The following TDRD10 variants were observed in gnomAD, a reference collection of about 807,000 sequenced individuals.
TDRD10 encodes tudor domain containing 10.
Under a neutral mutation model 48.0 loss-of-function variants are expected in TDRD10, and 40 were observed. The ratio of observed to expected loss-of-function variants is 0.83; its 90% CI spans 0.65 to 1.09. TDRD10 has a LOEUF of 1.09. Among genes scored for constraint, TDRD10 ranks in the 50% least tolerant of loss-of-function variants. The pLI is 0.00. For synonymous variants in TDRD10, 162 were observed against 170.4 expected (o/e 0.95, Z 0.38); for missense variants, 378 against 434.7 (o/e 0.87, Z 1.16).
intron 11 of TDRD10, among the ~76,000 whole-genome samples, chr1:154,547,030 C>T (rs990635093): frequency 2.0e-5 from 3 of 152,020 alleles, no homozygotes; most frequent in African/African-American, 7.3e-5. Context: ...AGAGTGCTTG[C>T]GTCTCATGGT....
intron 4 of TDRD10, among the ~76,000 whole-genome samples, chr1:154,511,060 T>A (rs899399726): frequency 1.3e-5 from 2 of 151,708 alleles, no homozygotes; most frequent in African/African-American, 4.8e-5. Flanking sequence ...AAAAAAAAAT[T>A]TAAAATATAT....
At chr1:154,513,652 A>G (rs1211880891) in intron 4 of TDRD10, among the ~76,000 whole-genome samples, 1 of 152,196 alleles carries the variant, frequency 6.6e-6, no homozygotes, top group Non-Finnish European at 1.5e-5. Context: ...TGCAAGATAA[A>G]GGCGACCACA....
chr1:154,526,264 A>T (rs1694313169), intron 6 of TDRD10, among the ~76,000 whole-genome samples: 1 of 147,968 alleles, frequency 6.8e-6, no homozygotes, highest in Non-Finnish European at 1.5e-5. Flanking sequence ...AGCCAGGCCT[A>T]CAGGCACTTT....
intron 4 of TDRD10, among the ~76,000 whole-genome samples, chr1:154,509,038 G>A (rs11799410): frequency 0.069 from 10,273 of 148,590 alleles, 1,198 homozygotes; most frequent in African/African-American, 0.24. Context: ...AAGTGTATTC[G>A]AAATACAGAT....
At chr1:154,531,696 C>T (rs60498985) in intron 6 of TDRD10, among the ~76,000 whole-genome samples, 29,614 of 152,096 alleles carry the variant, frequency 0.19, 3,110 homozygotes, top group South Asian at 0.23. Flanking sequence ...TTCCACAGTG[C>T]GTAAGGGGAC....
At chr1:154,521,033 C>G (rs562925894) in intron 5 of TDRD10, among the ~76,000 whole-genome samples, 1 of 152,332 alleles carries the variant, frequency 6.6e-6, no homozygotes, top group East Asian at 1.9e-4. Context: ...GCCACCACAC[C>G]TGGCTTGCTT....
rs1242728327 is a variant in TDRD10 at position 154,525,827 on chromosome 1, C to T, written c.369+4348C>T. 1.7e-4 allele frequency among the ~76,000 whole-genome samples: 22 copies of T among 130,824 alleles called. No individual in the cohort carries two copies. In the South Asian group the frequency reaches 3.7e-3, roughly 22 times the overall value. 85.8% of individuals were successfully genotyped at this position (130,824 alleles called of 152,430 possible). On this transcript the variant is annotated intron_variant, in intron 6 of 12. Coordinates refer to ENST00000368482, the MANE Select transcript of TDRD10 (RefSeq NM_182499.4). Reference sequence around the variant, plus strand: ...GGGAGAATTGCTTGAACCCCGGAGGCGGAGGTTACAGTGAGCTGAGATTGT... The same window carrying T: ...GGGAGAATTGCTTGAACCCCGGAGGTGGAGGTTACAGTGAGCTGAGATTGT...
chr1:154,513,859 A>G (rs922943711), intron 4 of TDRD10, among the ~76,000 whole-genome samples: 5 of 152,154 alleles, frequency 3.3e-5, no homozygotes, highest in Non-Finnish European at 1.5e-5. Flanking sequence ...TCACGGAAAA[A>G]TTAAAGTAGA....
At chr1:154,505,063 A>G (rs769955833) in intron 1 of TDRD10, among the ~76,000 whole-genome samples, 1 of 152,216 alleles carries the variant, frequency 6.6e-6, no homozygotes, top group Non-Finnish European at 1.5e-5. Flanking sequence ...TTGGAAGGAA[A>G]CTCAGGACTT....
At chr1:154,507,581 A>G (rs1054491397) in intron 3 of TDRD10, among the ~76,000 whole-genome samples, 4 of 152,096 alleles carry the variant, frequency 2.6e-5, no homozygotes, top group African/African-American at 9.7e-5. Flanking sequence ...GCCTTCTTCC[A>G]ATTTTCCCTC....
chr1:154,528,616 G>A (rs990625685), intron 6 of TDRD10, among the ~76,000 whole-genome samples: 6 of 151,874 alleles, frequency 4.0e-5, no homozygotes, highest in African/African-American at 9.7e-5. Flanking sequence ...TGAGGCAGGC[G>A]GAGACCAGCC....
Position 154,547,850 on chromosome 1 carries a change from C to T in TDRD10, c.*140C>T, listed in dbSNP as rs953018121. Reference sequence around the variant, plus strand: ...TGTGCCCAGGATTGATTCAATTTTGCTTTTACTCCCAGCTTCCCTCTCAAA... The same window carrying T: ...TGTGCCCAGGATTGATTCAATTTTGTTTTTACTCCCAGCTTCCCTCTCAAA... On this transcript the variant is annotated 3_prime_UTR_variant, in exon 13 of 13. Transcript: ENST00000368482. 13 of 1,001,424 alleles carry T rather than the reference C, an allele frequency of 1.3e-5. No individual in the cohort carries two copies. Among genetic ancestry groups the T allele is most frequent in the Non-Finnish European group, 2.0e-5 (13 of 665,312 alleles). 62.0% of individuals were successfully genotyped at this position (1,001,424 alleles called of 1,614,324 possible). A position where few individuals can be genotyped will look rare whatever the true frequency, so the allele number is the denominator to read the frequency against.
chr1:154,506,991 G>A, intron 2 of TDRD10, 86 bp downstream of exon 2: 1 of 1,612,280 alleles, frequency 6.2e-7, no homozygotes, highest in East Asian at 2.2e-5. Flanking sequence ...CCATGCCCTG[G>A]TCTTAAGAGT....
chr1:154,531,477 G>A (rs1262475020), intron 6 of TDRD10, among the ~76,000 whole-genome samples: 5 of 152,168 alleles, frequency 3.3e-5, no homozygotes, highest in African/African-American at 1.2e-4. Flanking sequence ...GCTGGCTCAC[G>A]AGTGAAGCTG....
intron 11 of TDRD10, 21 bp downstream of exon 11, chr1:154,544,970 C>T (rs1346156629): frequency 1.2e-6 from 2 of 1,612,362 alleles, no homozygotes; most frequent in East Asian, 4.5e-5. Context: ...TTCTATCTTC[C>T]TCCCAAGGGT....
intron 6 of TDRD10, among the ~76,000 whole-genome samples, chr1:154,524,621 CAT>C (rs1311406290): frequency 1.2e-4 from 19 of 152,262 alleles, no homozygotes; most frequent in Admixed American, 7.2e-4. Context: ...GTGTGTGTGT[CAT>C]AGTTAGGATT....
intron 6 of TDRD10, chr1:154,534,424 C>T (rs1694810777): frequency 1.3e-5 from 2 of 152,186 alleles, no homozygotes; most frequent in African/African-American, 4.8e-5. Flanking sequence ...TGCAACTTTC[C>T]CGTTGCTTAC....
At chr1:154,507,641 C>G (rs1693220790) in intron 3 of TDRD10, among the ~76,000 whole-genome samples, 1 of 152,186 alleles carries the variant, frequency 6.6e-6, no homozygotes, top group Admixed American at 6.5e-5. Flanking sequence ...TGACACCTCC[C>G]CAACCCGGTT....
chr1:154,538,540 A>G (rs1315851371), intron 6 of TDRD10, among the ~76,000 whole-genome samples: 2 of 113,606 alleles, frequency 1.8e-5, no homozygotes, highest in Non-Finnish European at 1.8e-5. Context: ...ACAAGAGCGA[A>G]ACTCTATCTC....
Sources: allele counts gnomAD v4.1 joint callset (sites outside exome capture counted in the v4.1 genomes callset), GRCh38; gene constraint gnomAD v4.1.1; transcripts MANE v1.5; gene names NCBI Gene and HGNC (gene_info 2026-07-23, HGNC 2026-07-21).